OR7E24: variants seen among roughly 807,000 people sequenced by gnomAD.
The protein encoded by OR7E24 is olfactory receptor 7E24.
For missense variants in OR7E24, 385 were observed against 410.3 expected, an observed-to-expected ratio of 0.94 and a Z score of 0.53; for synonymous variants, 130 against 157.5, an observed-to-expected ratio of 0.83 and a Z score of 1.31.
At chr19:9,229,284 C>T in the OR7E24 span, among the ~76,000 whole-genome samples, 1 of 152,064 alleles carries the variant, frequency 6.6e-6, no homozygotes, top group Non-Finnish European at 1.5e-5. Flanking sequence ...AATTCCAGCA[C>T]TTTGGGAGGC....
upstream of OR7E24, among the ~76,000 whole-genome samples, chr19:9,245,817 G>A (rs1363422627): frequency 6.6e-6 from 1 of 151,986 alleles, no homozygotes; most frequent in Non-Finnish European, 1.5e-5. Flanking sequence ...CGTTCCTTGG[G>A]CCCAGTCGTG....
chr19:9,240,842 C>T, the OR7E24 span, among the ~76,000 whole-genome samples: 2 of 151,958 alleles, frequency 1.3e-5, no homozygotes, highest in African/African-American at 4.8e-5. Flanking sequence ...TTTTGAGACA[C>T]AGTCTCTCTC....
chr19:9,245,343 T>A (rs563535154), upstream of OR7E24, among the ~76,000 whole-genome samples: 16 of 151,702 alleles, frequency 1.1e-4, no homozygotes, highest in South Asian at 3.3e-3. Context: ...CAAATAAAAA[T>A]CACAATGAGA....
chr19:9,249,498 A>G (rs931006488), upstream of OR7E24, among the ~76,000 whole-genome samples: 10 of 152,208 alleles, frequency 6.6e-5, no homozygotes, highest in Non-Finnish European at 2.9e-5. Context: ...CATCTACAAC[A>G]TTCAATTACT....
the OR7E24 span, among the ~76,000 whole-genome samples, chr19:9,221,374 G>A: frequency 1.2e-5 from 1 of 82,616 alleles, no homozygotes; most frequent in African/African-American, 5.5e-5. Flanking sequence ...TTTTTGAGAC[G>A]GAGTCTCGCT....
the OR7E24 span, among the ~76,000 whole-genome samples, chr19:9,239,861 A>AC: frequency 1.3e-5 from 2 of 151,802 alleles, no homozygotes; most frequent in Admixed American, 1.3e-4. Context: ...GGCACATGCC[A>AC]CAGTGCCCGG....
chr19:9,222,984 A>G, the OR7E24 span, among the ~76,000 whole-genome samples: 1 of 152,038 alleles, frequency 6.6e-6, no homozygotes, highest in Non-Finnish European at 1.5e-5. Context: ...TTCTATATCT[A>G]ACTCATTGAG....
chr19:9,213,758 CAACA>C, the OR7E24 span: 3 of 647,200 alleles, frequency 4.6e-6, no homozygotes, highest in Non-Finnish European at 5.3e-6. Flanking sequence ...ACAATAACAA[CAACA>C]AACAACCCAA....
the OR7E24 span, chr19:9,214,340 C>T: frequency 6.2e-7 from 1 of 1,614,102 alleles, no homozygotes. Context: ...TGGAGAAGGT[C>T]AACCTCTTCA....
the OR7E24 span, among the ~76,000 whole-genome samples, chr19:9,221,001 G>A: frequency 1.3e-5 from 2 of 152,102 alleles, no homozygotes; most frequent in East Asian, 1.9e-4. Flanking sequence ...TGGGCCGGGC[G>A]CAGTGGCTCA....
the OR7E24 span, among the ~76,000 whole-genome samples, chr19:9,216,313 C>T: frequency 6.6e-6 from 1 of 152,288 alleles, no homozygotes; most frequent in South Asian, 2.1e-4. Context: ...TTGACCTTCT[C>T]TATAGGCACT....
the OR7E24 span, chr19:9,214,613 G>A: frequency 3.2e-5 from 52 of 1,613,978 alleles, no homozygotes; most frequent in East Asian, 6.7e-5. Flanking sequence ...GGACTGTGGT[G>A]GAGATGAAAC....
chr19:9,214,683 T>C, the OR7E24 span: 163 of 1,612,758 alleles, frequency 1.0e-4, 1 homozygote, highest in African/African-American at 1.9e-3. Context: ...GAGGTGGGAG[T>C]CAGAGCTGAC....
Position 9,251,522 on chromosome 19 carries a change from G to A in OR7E24, c.479G>A (p.Gly160Asp), listed in dbSNP as rs769391692. 4 of 1,613,946 alleles carry A rather than the reference G, an allele frequency of 2.5e-6. 1 individual carries two copies. In the South Asian group the frequency reaches 3.3e-5, roughly 13 times the overall value. The change falls in exon 1 of 1, where the codon GGC becomes GAC. Residue 160 changes from glycine to aspartate, a missense_variant. Physicochemically the swap from Gly to Asp is moderately conservative, Grantham distance 94 (BLOSUM62 -1). Coordinates refer to ENST00000456448, the MANE Select transcript of OR7E24 (RefSeq NM_001079935.2). ...ATCATCATGAACCCACGCCTCTGTG[G>A]CTTCTTAATCTTGTTGTCTTTTTTT... is the stretch of plus-strand genomic sequence containing the variant. ...YRIIMNPRLCGFLILLSFFIS... is the reference protein window; with the variant it reads ...YRIIMNPRLCDFLILLSFFIS...
At chr19:9,223,269 C>T in the OR7E24 span, among the ~76,000 whole-genome samples, 6 of 152,172 alleles carry the variant, frequency 3.9e-5, no homozygotes, top group Non-Finnish European at 4.4e-5. Context: ...TCGGACATTC[C>T]GAAGCAGCAC....
chr19:9,247,534 G>T (rs1326290900), upstream of OR7E24: 3 of 398,602 alleles, frequency 7.5e-6, no homozygotes, highest in Non-Finnish European at 8.8e-6. Flanking sequence ...GCTGAGGGAC[G>T]GTTGGGAGCC....
At chr19:9,249,482 T>C (rs145887808), upstream of OR7E24, among the ~76,000 whole-genome samples, 132 of 152,278 alleles carry the variant, frequency 8.7e-4, 3 homozygotes, top group East Asian at 0.025. Context: ...GGACACATAA[T>C]AATAGCATCT....
the OR7E24 span, among the ~76,000 whole-genome samples, chr19:9,218,389 G>C: frequency 6.6e-6 from 1 of 152,122 alleles, no homozygotes. Context: ...GGTCAGTAAA[G>C]AGAAATCATA....
At chr19:9,220,286 A>T in the OR7E24 span, among the ~76,000 whole-genome samples, 2 of 152,150 alleles carry the variant, frequency 1.3e-5, no homozygotes, top group African/African-American at 2.4e-5. Flanking sequence ...TCTTGAACTT[A>T]CTTCTCTTAT....
Sources: allele counts gnomAD v4.1 joint callset (sites outside exome capture counted in the v4.1 genomes callset), GRCh38; gene constraint gnomAD v4.1.1; transcripts MANE v1.5; gene names NCBI Gene and HGNC (gene_info 2026-07-23, HGNC 2026-07-21).